CUL5: variants seen among roughly 807,000 people sequenced by gnomAD.
CUL5 encodes the protein cullin-5.
Under a neutral mutation model 108.8 loss-of-function variants are expected in CUL5, and 26 were observed. The ratio of observed to expected loss-of-function variants is 0.24; its 90% confidence interval spans 0.18 to 0.33. CUL5 has a LOEUF of 0.33. Ranked by LOEUF, CUL5 falls within the 10% of genes least tolerant of loss-of-function variation. The pLI is 1.00. For synonymous variants in CUL5, 334 were observed against 298.0 expected (o/e 1.12, Z -1.25); for missense variants, 524 against 909.2 (o/e 0.58, Z 5.45).
At chr11:108,102,473 C>T (rs1434425162) in intron 18 of CUL5, among the ~76,000 whole-genome samples, 1 of 152,144 alleles carries the variant, frequency 6.6e-6, no homozygotes. Context: ...ACCACAGGCG[C>T]GTGCCACCAT....
In CUL5 at chr11:108,106,812, A is replaced by T. The variant is rs542679527; in HGVS notation, c.*2428A>T. On this transcript the variant is annotated 3_prime_UTR_variant, in exon 19 of 19. Coordinates refer to ENST00000393094, the MANE Select transcript of CUL5 (RefSeq NM_003478.6). ...CAGGGATATAACCTGCAGTTAAGTG[A>T]AAAGAAAATCCAGCCTCCCCCTCCA... 1.4e-5 allele frequency: 2 copies of T among 147,512 alleles called. No homozygotes were observed. Among genetic ancestry groups the T allele is most frequent in the African/African-American group, 5.0e-5 (2 of 40,226 alleles). 9.1% of individuals were successfully genotyped at this position (147,512 alleles called of 1,614,324 possible).
At chr11:108,043,558 G>A (rs1862989245) in intron 2 of CUL5, among the ~76,000 whole-genome samples, 1 of 152,232 alleles carries the variant, frequency 6.6e-6, no homozygotes, top group African/African-American at 2.4e-5. Context: ...TTGTTTAATA[G>A]ATTGGAGGGT....
At chr11:108,060,795 G>A (rs1863513592) in intron 7 of CUL5, among the ~76,000 whole-genome samples, 1 of 151,748 alleles carries the variant, frequency 6.6e-6, no homozygotes, top group African/African-American at 2.4e-5. Context: ...TCGCGCCATT[G>A]CACTCCAGCT....
chr11:108,011,438 AG>A (rs1862054835), intron 1 of CUL5, among the ~76,000 whole-genome samples: 1 of 152,214 alleles, frequency 6.6e-6, no homozygotes, highest in Admixed American at 6.5e-5. Context: ...CGGGGTACTT[AG>A]GGTTTAGGTT....
chr11:108,089,678 T>C (rs1864303926), intron 13 of CUL5, 55 bp downstream of exon 13: 1 of 928,164 alleles, frequency 1.1e-6, no homozygotes, highest in South Asian at 2.3e-5. Context: ...CATTTATATG[T>C]GTGCTTAAGT....
At chr11:108,073,070 CG>C (rs1054231894) in intron 9 of CUL5, among the ~76,000 whole-genome samples, 22 of 151,792 alleles carry the variant, frequency 1.4e-4, no homozygotes, top group African/African-American at 5.3e-4. Context: ...GGCGGGGTGG[CG>C]GGCGCCTATA....
At chr11:108,039,066 G>A (rs1484525454) in intron 2 of CUL5, among the ~76,000 whole-genome samples, 1 of 151,560 alleles carries the variant, frequency 6.6e-6, no homozygotes, top group African/African-American at 2.4e-5. Flanking sequence ...TGTTGCCCAG[G>A]CTGGAGTGCA....
At chr11:108,082,232 C>CCCCTTCCCCTTCCCTCCCTTT (rs1864105680) in intron 11 of CUL5, among the ~76,000 whole-genome samples, 1 of 149,496 alleles carries the variant, frequency 6.7e-6, no homozygotes, top group Admixed American at 6.7e-5. Context: ...TCTTTTCCTT[C>CCCCTTCCCCTTCCCTCCCTTT]CCCTTCCCCT....
intron 7 of CUL5, among the ~76,000 whole-genome samples, chr11:108,069,869 A>G (rs1863778822): frequency 6.6e-6 from 1 of 152,164 alleles, no homozygotes; most frequent in East Asian, 1.9e-4. Flanking sequence ...CTTTTGTTAA[A>G]ATTTCTAAAG....
chr11:108,030,656 G>T (rs1304519046), intron 1 of CUL5, among the ~76,000 whole-genome samples: 1 of 152,060 alleles, frequency 6.6e-6, no homozygotes, highest in African/African-American at 2.4e-5. Context: ...AAAGAAAAAA[G>T]AATACAGTGT....
intron 7 of CUL5, among the ~76,000 whole-genome samples, chr11:108,058,326 G>A (rs1378527554): frequency 8.0e-6 from 1 of 124,330 alleles, no homozygotes; most frequent in Admixed American, 9.8e-5. Context: ...TCCGCTCACT[G>A]CAACCTCTGC....
chr11:108,011,862 A>C (rs1172720259), intron 1 of CUL5, among the ~76,000 whole-genome samples: 3 of 152,200 alleles, frequency 2.0e-5, no homozygotes. Flanking sequence ...TCTTGACCTC[A>C]TGATCCACCC....
At chr11:108,048,069 A>G (rs909806184) in intron 3 of CUL5, among the ~76,000 whole-genome samples, 5 of 152,170 alleles carry the variant, frequency 3.3e-5, no homozygotes, top group African/African-American at 1.2e-4. Flanking sequence ...AATGCCAGAC[A>G]TGGGTCTTAA....
chr11:108,010,417 A>C (rs987376574), intron 1 of CUL5, among the ~76,000 whole-genome samples: 2 of 152,220 alleles, frequency 1.3e-5, no homozygotes, highest in African/African-American at 4.8e-5. Context: ...TGATTGTCTA[A>C]TAGATGGGAC....
chr11:108,018,472 T>A, intron 1 of CUL5, among the ~76,000 whole-genome samples: 1 of 150,996 alleles, frequency 6.6e-6, no homozygotes, highest in East Asian at 1.9e-4. Flanking sequence ...TTCAAGACCA[T>A]CCTGGCCAAC....
intron 13 of CUL5, among the ~76,000 whole-genome samples, chr11:108,093,763 A>G (rs144965632): frequency 2.9e-3 from 447 of 152,316 alleles, no homozygotes; most frequent in African/African-American, 0.01. Flanking sequence ...GCTGGAGCGC[A>G]GTGACACAAT....
At chr11:108,036,967 G>C (rs1210199197) in intron 2 of CUL5, among the ~76,000 whole-genome samples, 1 of 152,080 alleles carries the variant, frequency 6.6e-6, no homozygotes, top group Non-Finnish European at 1.5e-5. Context: ...TTCTCCCCTA[G>C]TTTATCTAAA....
intron 2 of CUL5, among the ~76,000 whole-genome samples, chr11:108,041,017 T>A (rs1040436534): frequency 6.6e-6 from 1 of 152,218 alleles, no homozygotes. Context: ...CAAAAGTGAT[T>A]TGAGTACGGC....
intron 1 of CUL5, among the ~76,000 whole-genome samples, chr11:108,012,490 T>TC (rs1422298762): frequency 2.0e-5 from 3 of 150,620 alleles, no homozygotes; most frequent in Admixed American, 1.3e-4. Context: ...GTCCTCATCT[T>TC]CCCCCCAGGA....
Sources: gnomAD v4.1 joint callset for allele counts (sites outside exome capture counted in the v4.1 genomes callset) on GRCh38, gnomAD v4.1.1 for gene constraint, MANE v1.5 for transcripts, NCBI Gene and HGNC (gene_info 2026-07-23, HGNC 2026-07-21) for gene names.